NELFCD: variants seen among roughly 807,000 people sequenced by gnomAD.
NELFCD encodes the protein negative elongation factor C/D.
NELFCD carries 48 observed loss-of-function variants against 72.9 expected under a neutral mutation model. The observed-to-expected ratio is 0.66, with a 90% CI of 0.52 to 0.84. The LOEUF is 0.84. Ranked by LOEUF, NELFCD falls within the 40% of genes least tolerant of loss-of-function variation. The pLI is 0.00. For synonymous variants in NELFCD, 297 were observed against 280.6 expected (o/e 1.06, Z -0.59); for missense variants, 538 against 723.8 (o/e 0.74, Z 2.94).
intron 1 of NELFCD, among the ~76,000 whole-genome samples, chr20:58,985,647 G>C (rs996536715): frequency 1.3e-5 from 2 of 152,204 alleles, no homozygotes; most frequent in African/African-American, 4.8e-5. Flanking sequence ...TTACTCTTCA[G>C]TGGCATGTAT....
In NELFCD at chr20:58,986,724, G is replaced by A. The variant is rs1020317476; in HGVS notation, c.177-30G>A. On this transcript the variant is annotated intron_variant, in intron 2 of 14. Transcript: ENST00000652272. The surrounding 1 kb of genome is among the most constrained non-coding windows in gnomAD (Gnocchi z 4.4). ...CTGTTGTCCATCATTCCATTCATTC[G>A]GGTGTAATTGCTGTTGTTACTTTCC... 1.1e-5 allele frequency: 15 copies of A among 1,307,528 alleles called. No homozygotes were observed. Among genetic ancestry groups the A allele is most frequent in the Admixed American group, 3.4e-5 (2 of 59,546 alleles). The allele number at this position is 1,307,528 out of a possible 1,614,324, so 81.0% of individuals were successfully genotyped here. A position where few individuals can be genotyped will look rare whatever the true frequency, so the allele number is the denominator to read the frequency against.
intron 3 of NELFCD, 139 bp from the exon 4 acceptor site, chr20:58,987,569 C>G: frequency 1.5e-6 from 1 of 674,724 alleles, no homozygotes; most frequent in African/African-American, 1.8e-5. Context: ...TTGAAGAGTT[C>G]CAAAACCTTA....
In NELFCD at chr20:58,986,701, G is replaced by T; in HGVS notation, c.177-53G>T. On this transcript the variant is annotated intron_variant, in intron 2 of 14. Coordinates refer to ENST00000652272, the MANE Select transcript of NELFCD (RefSeq NM_198976.4). The surrounding 1 kb of genome is among the most constrained non-coding windows in gnomAD (Gnocchi z 4.4). ...TCTCTTCCTCCTTCCTTACCTTCCT[G>T]TTGTCCATCATTCCATTCATTCGGG... The T allele has an allele frequency of 1.7e-6, 2 of 1,207,420 alleles. No homozygotes were observed. The highest frequency in any genetic ancestry group is 3.4e-5 in the Admixed American group (2 of 59,290). The allele number at this position is 1,207,420 out of a possible 1,614,324, so 74.8% of individuals were successfully genotyped here.
At chr20:58,987,936 G>T in intron 4 of NELFCD, 119 bp downstream of exon 4, 1 of 735,482 alleles carries the variant, frequency 1.4e-6, no homozygotes, top group Non-Finnish European at 2.3e-6. Flanking sequence ...TAAAATCAGA[G>T]TGTGAGACAG....
Position 58,986,348 on chromosome 20 carries a change from C to CTTT in NELFCD, c.176+153_176+155dup. 68 of 474,004 alleles carry CTTT rather than the reference C, an allele frequency of 1.4e-4. No individual in the cohort carries two copies. Among genetic ancestry groups the CTTT allele is most frequent in the Middle Eastern group, 5.4e-4 (1 of 1,840 alleles). The allele number at this position is 474,004 out of a possible 1,614,324, so 29.4% of individuals were successfully genotyped here. A position where few individuals can be genotyped will look rare whatever the true frequency, so the allele number is the denominator to read the frequency against. On this transcript the variant is annotated intron_variant, in intron 2 of 14. Coordinates refer to ENST00000652272, the MANE Select transcript of NELFCD (RefSeq NM_198976.4). This position sits in a 1 kb window ranked among gnomAD's most constrained non-coding sequence, Gnocchi z 4.4. Reference sequence around the variant, plus strand: ...CTTCAAGGGGGGGTCCCCTCTGCCACTTTTTTTTTTTTTTTAAATTTTTTT... The same window carrying CTTT: ...CTTCAAGGGGGGGTCCCCTCTGCCACTTTTTTTTTTTTTTTTTTAAATTTTTTT...
chr20:58,987,062 G>A (rs1247821912), intron 3 of NELFCD, 199 bp downstream of exon 3: 4 of 521,606 alleles, frequency 7.7e-6, no homozygotes, highest in Admixed American at 3.9e-5. Flanking sequence ...CTTTGATTCA[G>A]TAATTGAGGT....
At chr20:58,984,810 G>T (rs1180505117) in intron 1 of NELFCD, among the ~76,000 whole-genome samples, 2 of 152,192 alleles carry the variant, frequency 1.3e-5, no homozygotes, top group Non-Finnish European at 2.9e-5. Flanking sequence ...CCCAAGAGGT[G>T]GTGGAAGAGG....
chr20:58,985,090 C>A (rs911706028), intron 1 of NELFCD, among the ~76,000 whole-genome samples: 3 of 152,232 alleles, frequency 2.0e-5, no homozygotes, highest in Admixed American at 6.5e-5. Context: ...GTGCCTGTCT[C>A]TGTCTTAACT....
intron 3 of NELFCD, 88 bp from the exon 4 acceptor site, chr20:58,987,620 C>T: frequency 9.6e-7 from 1 of 1,041,694 alleles, no homozygotes. Flanking sequence ...GTATTTGATT[C>T]ACATAGAGAC....
At chr20:58,994,079 G>C (rs77055003) in intron 13 of NELFCD, 31 bp from the exon 14 acceptor site, 2 of 1,612,016 alleles carry the variant, frequency 1.2e-6, no homozygotes, top group Non-Finnish European at 1.7e-6. Context: ...ACTAGTGTGC[G>C]GAAGAAGTCA....
In NELFCD at chr20:58,994,245, G is replaced by GC; in HGVS notation, c.1711+8dup. ...CCCTGTGACGGAGTTTATAGGTGAG[G>GC]CCGACTGCCTAGCCCTTTACTACAA... On this transcript the variant is annotated splice_region_variant and intron_variant, in intron 14 of 14. Transcript: ENST00000652272. 6.2e-7 allele frequency: 1 copy of GC among 1,613,912 alleles called. No homozygotes were observed. The highest frequency in any genetic ancestry group is 1.1e-5 in the South Asian group (1 of 91,074).
chr20:58,993,889 C>T lies in NELFCD; in HGVS notation c.1581+125C>T. 9 of 1,247,938 alleles carry T rather than the reference C, an allele frequency of 7.2e-6. No individual in the cohort carries two copies. Among genetic ancestry groups the T allele is most frequent in the Non-Finnish European group, 1.0e-5 (9 of 885,292 alleles). The allele number at this position is 1,247,938 out of a possible 1,614,324, so 77.3% of individuals were successfully genotyped here. A position where few individuals can be genotyped will look rare whatever the true frequency, so the allele number is the denominator to read the frequency against. The stretch of plus-strand genomic sequence containing the variant: ...CTTTCTGATGTAGTGATGACAATGA[C>T]AGATACTCGTTTACCAAAAAGCACC... On this transcript the variant is annotated intron_variant, in intron 13 of 14. Transcript: ENST00000652272. This position sits in a 1 kb window ranked among gnomAD's most constrained non-coding sequence, Gnocchi z 5.0.
intron 5 of NELFCD, 28 bp from the exon 6 acceptor site, chr20:58,989,460 C>T (rs2091797363): frequency 4.3e-6 from 7 of 1,610,522 alleles, no homozygotes; most frequent in Non-Finnish European, 5.1e-6. Flanking sequence ...TGCATGCCTC[C>T]CCTCTGACTT....
chr20:58,987,560 T>G, intron 3 of NELFCD, 148 bp from the exon 4 acceptor site: 2 of 644,454 alleles, frequency 3.1e-6, no homozygotes, highest in Non-Finnish European at 5.4e-6. Context: ...ATAACTACTT[T>G]GAAGAGTTCC....
chr20:58,990,713 CT>C (rs1383544171), intron 7 of NELFCD, 196 bp from the exon 8 acceptor site: 7 of 542,086 alleles, frequency 1.3e-5, no homozygotes, highest in Non-Finnish European at 2.3e-5. Flanking sequence ...AAGTGTGTGA[CT>C]CCTTTCTTAT....
chr20:58,988,645 A>G (rs537611468), intron 4 of NELFCD, among the ~76,000 whole-genome samples: 9 of 151,870 alleles, frequency 5.9e-5, no homozygotes, highest in Non-Finnish European at 1.0e-4. Flanking sequence ...AGGCAGCTCT[A>G]TGCGGTTCTC....
At position 58,986,212 on chromosome 20, in the gene NELFCD, T is replaced by C. The variant is rs1426952906; in HGVS notation, c.176+4T>C. On this transcript the variant is annotated splice_donor_region_variant and intron_variant, in intron 2 of 14. Coordinates refer to ENST00000652272, the MANE Select transcript of NELFCD (RefSeq NM_198976.4). The surrounding 1 kb of genome is among the most constrained non-coding windows in gnomAD (Gnocchi z 4.4). ...CCATCTTCAACACTCTGAAGAGGTA[T>C]GTGAGAAAGGTGTCTGTATTGGGAG... 1 of 1,573,260 alleles carries C rather than the reference T, an allele frequency of 6.4e-7. No homozygotes were observed.
At position 58,986,347 on chromosome 20, in the gene NELFCD, AC is replaced by A. The variant is rs2091772242; in HGVS notation, c.176+140del. On this transcript the variant is annotated intron_variant, in intron 2 of 14. Transcript: ENST00000652272. The surrounding 1 kb of genome is among the most constrained non-coding windows in gnomAD (Gnocchi z 4.4). ...GCTTCAAGGGGGGGTCCCCTCTGCCACTTTTTTTTTTTTTTTAAATTTTTTT... is the reference window on the plus strand; with the variant it reads ...GCTTCAAGGGGGGGTCCCCTCTGCCATTTTTTTTTTTTTTTAAATTTTTTT... The A allele has an allele frequency of 2.2e-5, 13 of 589,220 alleles. No individual in the cohort carries two copies. The South Asian group carries it at 2.2e-4, about 10-fold the overall frequency. 36.5% of individuals were successfully genotyped at this position (589,220 alleles called of 1,614,324 possible). A position where few individuals can be genotyped will look rare whatever the true frequency, so the allele number is the denominator to read the frequency against.
At chr20:58,981,583 C>T (rs2091733096) in intron 1 of NELFCD, among the ~76,000 whole-genome samples, 3 of 149,980 alleles carry the variant, frequency 2.0e-5, no homozygotes, top group South Asian at 2.1e-4. Context: ...GGGTCCCCGC[C>T]TCCTCGCCTG....
Sources: gnomAD v4.1 joint callset for allele counts (sites outside exome capture counted in the v4.1 genomes callset) on GRCh38, gnomAD v4.1.1 for gene constraint, Gnocchi (gnomAD v3.1) non-coding constraint, MANE v1.5 for transcripts, NCBI Gene and HGNC (gene_info 2026-07-23, HGNC 2026-07-21) for gene names.